SLC4A4: variants seen among roughly 807,000 people sequenced by gnomAD.
SLC4A4 encodes solute carrier family 4 member 4, also known as electrogenic sodium bicarbonate cotransporter 1.
In SLC4A4, 27 loss-of-function variants were observed where a neutral mutation model predicts 111.5. The observed-to-expected ratio is 0.24, with a 90% CI of 0.18 to 0.33. SLC4A4 has a LOEUF of 0.33. SLC4A4 is among the 10% of genes least tolerant of loss of function. The pLI, the probability that SLC4A4 is intolerant of heterozygous loss-of-function variation, is 1.00. For missense variants in SLC4A4, 909 were observed against 1,315.5 expected (o/e 0.69, Z 4.78); for synonymous variants, 443 against 463.4 (o/e 0.96, Z 0.57).
chr4:71,471,458 G>A (rs1391575992), intron 13 of SLC4A4, among the ~76,000 whole-genome samples: 1 of 151,934 alleles, frequency 6.6e-6, no homozygotes, highest in Non-Finnish European at 1.5e-5. Context: ...GGTTGGGTAA[G>A]ATTGGGTTGG....
chr4:71,332,364 CT>C (rs1728070594), intron 3 of SLC4A4, among the ~76,000 whole-genome samples: 2 of 151,702 alleles, frequency 1.3e-5, no homozygotes, highest in Non-Finnish European at 2.9e-5. Flanking sequence ...TAACCCTTAG[CT>C]TTGCCCTTTT....
Position 71,347,692 on chromosome 4 carries a change from C to T in SLC4A4, c.390-2220C>T, listed in dbSNP as rs73826260. 8.0e-3 allele frequency among the ~76,000 whole-genome samples: 1,209 copies of T among 152,054 alleles called. 18 individuals carry two copies. The highest frequency in any genetic ancestry group is 0.026 in the African/African-American group (1,065 of 41,486). ...AAAGAACTACTGTATATAAGTGAGGCTTAGTTTTTTTTTAAGTAATAGAAT... is the reference window on the plus strand; with the variant it reads ...AAAGAACTACTGTATATAAGTGAGGTTTAGTTTTTTTTTAAGTAATAGAAT... On this transcript the variant is annotated intron_variant, in intron 4 of 25. Transcript: ENST00000264485.
chr4:71,434,489 C>A, intron 7 of SLC4A4: 1 of 180,370 alleles, frequency 5.5e-6, no homozygotes. Context: ...TCACCTTTAT[C>A]TTTATAAGAT....
chr4:71,425,339 CA>C (rs1723024784), intron 7 of SLC4A4, among the ~76,000 whole-genome samples: 1 of 152,096 alleles, frequency 6.6e-6, no homozygotes. Flanking sequence ...AGCCTCGCAG[CA>C]AAACAGGCTG....
chr4:71,350,755 A>G (rs967727076), intron 5 of SLC4A4, among the ~76,000 whole-genome samples: 2 of 152,200 alleles, frequency 1.3e-5, no homozygotes, highest in African/African-American at 2.4e-5. Flanking sequence ...ATATACAAAG[A>G]AACTTTGCAG....
intron 1 of SLC4A4, among the ~76,000 whole-genome samples, chr4:71,225,621 G>C (rs544394968): frequency 6.6e-6 from 1 of 152,294 alleles, no homozygotes; most frequent in East Asian, 1.9e-4. Context: ...ATGTTGGGTA[G>C]AGGTAGGAAG....
intron 3 of SLC4A4, among the ~76,000 whole-genome samples, chr4:71,308,544 G>A (rs145773048): frequency 4.0e-4 from 61 of 152,240 alleles, no homozygotes; most frequent in African/African-American, 1.4e-3. Context: ...CACTGGGACT[G>A]GTTAGACAGG....
At chr4:71,422,997 G>A (rs1243966010) in intron 7 of SLC4A4, among the ~76,000 whole-genome samples, 1 of 152,130 alleles carries the variant, frequency 6.6e-6, no homozygotes, top group Admixed American at 6.5e-5. Context: ...GGGCAATTAG[G>A]CAGGAGAAGG....
At chr4:71,193,402 G>C (rs191238292) in intron 1 of SLC4A4, among the ~76,000 whole-genome samples, 2 of 152,118 alleles carry the variant, frequency 1.3e-5, no homozygotes, top group African/African-American at 4.8e-5. Flanking sequence ...CTCGTGATCC[G>C]CCCGCCTTGG....
At chr4:71,399,808 C>T (rs1720192873) in intron 7 of SLC4A4, among the ~76,000 whole-genome samples, 1 of 151,942 alleles carries the variant, frequency 6.6e-6, no homozygotes, top group African/African-American at 2.4e-5. Context: ...CTTTACTTAC[C>T]TCCCACTTTA....
At chr4:71,481,065 T>C (rs1728834550) in intron 14 of SLC4A4, among the ~76,000 whole-genome samples, 1 of 151,730 alleles carries the variant, frequency 6.6e-6, no homozygotes, top group Admixed American at 6.6e-5. Context: ...ATCTGCACAG[T>C]AACCTTATGA....
intron 1 of SLC4A4, among the ~76,000 whole-genome samples, chr4:71,210,743 ATGT>A (rs1718084602): frequency 6.6e-6 from 1 of 152,184 alleles, no homozygotes; most frequent in South Asian, 2.1e-4. Context: ...GGTTGAAGCT[ATGT>A]TGTTATGTTT....
rs113086785 is a variant in SLC4A4, at chr4:71,173,338, T to C, written c.-1-63238T>C. Among the ~76,000 whole-genome samples, 123 of 152,332 alleles carry C rather than the reference T, an allele frequency of 8.1e-4. 1 individual carries two copies. Among genetic ancestry groups the C allele is most frequent in the African/African-American group, 2.5e-3 (104 of 41,586 alleles). Reference sequence around the variant, plus strand: ...AGAGAAGTAGATGTAATTTAGGTGTTCTATTGTGTGGATGTCCCCAACAAT... The same window carrying C: ...AGAGAAGTAGATGTAATTTAGGTGTCCTATTGTGTGGATGTCCCCAACAAT... On this transcript the variant is annotated intron_variant, in intron 2 of 26. Coordinates refer to the SLC4A4 transcript ENST00000649996.
intron 14 of SLC4A4, among the ~76,000 whole-genome samples, chr4:71,481,371 G>T (rs569056310): frequency 1.3e-5 from 2 of 151,778 alleles, no homozygotes; most frequent in African/African-American, 4.8e-5. Flanking sequence ...GTAAAGCAGA[G>T]GAGCCATGGG....
At chr4:71,318,683 A>G (rs1209442487) in intron 3 of SLC4A4, among the ~76,000 whole-genome samples, 1 of 152,054 alleles carries the variant, frequency 6.6e-6, no homozygotes, top group Non-Finnish European at 1.5e-5. Context: ...ATATAACATT[A>G]CAAGAACTAG....
At chr4:71,268,082 T>TTTTTC (rs1722430130) in intron 3 of SLC4A4, among the ~76,000 whole-genome samples, 1 of 146,744 alleles carries the variant, frequency 6.8e-6, no homozygotes, top group Non-Finnish European at 1.5e-5. Context: ...AGTGTTTTTT[T>TTTTTC]TTTTTTTTTT....
intron 6 of SLC4A4, among the ~76,000 whole-genome samples, chr4:71,386,138 A>G (rs761052869): frequency 9.2e-5 from 14 of 151,728 alleles, no homozygotes; most frequent in Non-Finnish European, 2.1e-4. Context: ...TGTTCCCATT[A>G]TCTTCTACCA....
At chr4:71,126,099 C>T (rs1743556373) in intron 2 of SLC4A4, among the ~76,000 whole-genome samples, 1 of 152,056 alleles carries the variant, frequency 6.6e-6, no homozygotes, top group African/African-American at 2.4e-5. Context: ...TTTTTTATAG[C>T]TGAAAATAAT....
At chr4:71,283,832 A>T (rs1560845973) in intron 3 of SLC4A4, among the ~76,000 whole-genome samples, 1 of 152,194 alleles carries the variant, frequency 6.6e-6, no homozygotes, top group Non-Finnish European at 1.5e-5. Context: ...AGGCTGGTCC[A>T]TGGTGTCATC....
Sources: gnomAD v4.1 joint callset for allele counts (sites outside exome capture counted in the v4.1 genomes callset) on GRCh38, gnomAD v4.1.1 for gene constraint, MANE v1.5 for transcripts, NCBI Gene and HGNC (gene_info 2026-07-23, HGNC 2026-07-21) for gene names.